The following GPR137C variants were observed in gnomAD, a reference collection of about 807,000 sequenced individuals.
GPR137C encodes integral membrane protein GPR137C.
Under a neutral mutation model 43.4 loss-of-function variants are expected in GPR137C, and 27 were observed. The observed-to-expected ratio is 0.62, with a 90% CI of 0.46 to 0.86. The LOEUF is 0.86. Ranked by LOEUF, GPR137C falls within the 40% of genes least tolerant of loss-of-function variation. The probability of loss-of-function intolerance (pLI) is 0.00; values close to 1 mark genes in which losing one functional copy is unlikely to be tolerated. For missense variants in GPR137C, 522 were observed against 534.6 expected (o/e 0.98, Z 0.23); for synonymous variants, 285 against 226.9 (o/e 1.26, Z -2.30).
intron 6 of GPR137C, 83 bp from the exon 7 acceptor site, chr14:52,634,855 C>A: frequency 8.4e-7 from 1 of 1,186,926 alleles, no homozygotes; most frequent in East Asian, 2.6e-5. Context: ...TTACAAAATT[C>A]ATTGAAAATG....
intron 1 of GPR137C, among the ~76,000 whole-genome samples, chr14:52,588,460 A>T (rs961860127): frequency 6.6e-6 from 1 of 152,214 alleles, no homozygotes; most frequent in Non-Finnish European, 1.5e-5. Flanking sequence ...GATTAAAGTT[A>T]ACATCACAGT....
intron 1 of GPR137C, among the ~76,000 whole-genome samples, chr14:52,579,376 A>G (rs2038611625): frequency 6.6e-6 from 1 of 152,210 alleles, no homozygotes; most frequent in Non-Finnish European, 1.5e-5. Context: ...CTAGGGAAAG[A>G]GAGATTTAAC....
intron 1 of GPR137C, among the ~76,000 whole-genome samples, chr14:52,583,943 T>C (rs1042320359): frequency 6.6e-6 from 1 of 152,230 alleles, no homozygotes; most frequent in Non-Finnish European, 1.5e-5. Context: ...CTATTCTTTC[T>C]GACCAATGTC....
At chr14:52,586,574 C>G (rs2038716475) in intron 1 of GPR137C, among the ~76,000 whole-genome samples, 1 of 152,144 alleles carries the variant, frequency 6.6e-6, no homozygotes, top group Non-Finnish European at 1.5e-5. Context: ...ATGTTTCTCT[C>G]CTCTGCCCAT....
At chr14:52,575,946 A>C (rs978167339) in intron 1 of GPR137C, among the ~76,000 whole-genome samples, 1 of 152,196 alleles carries the variant, frequency 6.6e-6, no homozygotes, top group Non-Finnish European at 1.5e-5. Context: ...TTAGTCTCTC[A>C]CTAAGAAGTT....
In GPR137C at chr14:52,553,246, C is replaced by T; in HGVS notation, c.99C>T (p.Val33=). 7.6e-7 allele frequency: 1 copy of T among 1,317,962 alleles called. No homozygotes were observed. Among genetic ancestry groups the T allele is most frequent in the Non-Finnish European group, 9.7e-7 (1 of 1,033,280 alleles). The allele number at this position is 1,317,962 out of a possible 1,614,324, so 81.6% of individuals were successfully genotyped here. Residue 33 remains valine, a synonymous_variant, in exon 1 of 7, where the codon GTC becomes GTT. Coordinates refer to ENST00000321662, the MANE Select transcript of GPR137C (RefSeq NM_001099652.2). ...PGGGSGGGGA[V]AAASGAAVPG... ...GGGGCAGCGGAGGCGGAGGCGCCGT[C>T]GCTGCAGCCTCAGGCGCCGCGGTGC...
intron 3 of GPR137C, among the ~76,000 whole-genome samples, chr14:52,610,917 T>A (rs1459727535): frequency 6.6e-6 from 1 of 152,236 alleles, no homozygotes; most frequent in Admixed American, 6.5e-5. Context: ...TACATCACCC[T>A]GTGTTTACTT....
At chr14:52,571,731 GACA>G (rs558609032) in intron 1 of GPR137C, among the ~76,000 whole-genome samples, 125 of 152,108 alleles carry the variant, frequency 8.2e-4, no homozygotes, top group Middle Eastern at 6.8e-3. Flanking sequence ...GCTAGCAGAA[GACA>G]AGAAATAACT....
At chr14:52,622,120 T>C (rs1010122596) in intron 3 of GPR137C, among the ~76,000 whole-genome samples, 1 of 151,944 alleles carries the variant, frequency 6.6e-6, no homozygotes, top group African/African-American at 2.4e-5. Context: ...ATGAAGAAAA[T>C]CCATCCTCAC....
chr14:52,560,088 T>G (rs1446093879), intron 1 of GPR137C, among the ~76,000 whole-genome samples: 1 of 152,076 alleles, frequency 6.6e-6, no homozygotes, highest in African/African-American at 2.4e-5. Context: ...GTCCAGGAGA[T>G]AGAGGCTGCA....
chr14:52,553,495 C>G lies in GPR137C; in HGVS notation c.348C>G (p.Pro116=), dbSNP rs1311667123. The G allele has an allele frequency of 6.2e-7, 1 of 1,609,064 alleles. No homozygotes were observed. Among genetic ancestry groups the G allele is most frequent in the Non-Finnish European group, 8.5e-7 (1 of 1,179,788 alleles). The part of the protein sequence containing the change: ...LSGSLPLLRP[P]AHLHFFPHWL... ...GCTCCCTGCCCTTGCTCCGGCCGCC[C>G]GCTCACCTGCACTTCTTCCCCCACT... The change falls in exon 1 of 7, where the codon CCC becomes CCG. Residue 116 remains proline (P), a synonymous_variant. Transcript: ENST00000321662.
chr14:52,617,263 T>C (rs1355235938), intron 3 of GPR137C, among the ~76,000 whole-genome samples: 2 of 152,240 alleles, frequency 1.3e-5, no homozygotes, highest in South Asian at 4.1e-4. Flanking sequence ...TCAAATTCTC[T>C]TGTGCAGTGA....
Position 52,553,202 on chromosome 14 carries a change from G to T in GPR137C, c.55G>T (p.Glu19Ter). 1 of 1,219,626 alleles carries T rather than the reference G, an allele frequency of 8.2e-7. No homozygotes were observed. Among genetic ancestry groups the T allele is most frequent in the South Asian group, 4.1e-5 (1 of 24,286 alleles). 75.6% of individuals were successfully genotyped at this position (1,219,626 alleles called of 1,614,324 possible). A position where few individuals can be genotyped will look rare whatever the true frequency, so the allele number is the denominator to read the frequency against. ...AAAAAPAAGR[E>*]PSTPGGGSGG... ...CGCTGCCGCCCCCGCAGCCGGCCGC[G>T]AGCCCTCCACGCCCGGCGGGGGCAG... Residue 19 changes from glutamate to a stop codon, truncating the protein, a stop_gained, in exon 1 of 7, where the codon GAG (glutamate) becomes TAG (stop). Transcript: ENST00000321662. LOFTEE classifies it high-confidence loss of function.
At chr14:52,584,752 AG>A (rs2038691171) in intron 1 of GPR137C, among the ~76,000 whole-genome samples, 1 of 152,118 alleles carries the variant, frequency 6.6e-6, no homozygotes, top group Non-Finnish European at 1.5e-5. Context: ...CTAGGACGAT[AG>A]GTGTGGTTAT....
At chr14:52,565,054 C>T (rs185344377) in intron 1 of GPR137C, among the ~76,000 whole-genome samples, 3 of 152,184 alleles carry the variant, frequency 2.0e-5, no homozygotes, top group Admixed American at 2.0e-4. Context: ...TCGGAAAGCA[C>T]GTGTTTAAAG....
intron 3 of GPR137C, 137 bp from the exon 4 acceptor site, chr14:52,632,023 A>G: frequency 1.8e-6 from 1 of 571,264 alleles, no homozygotes. Context: ...AAAGCAAGAT[A>G]ATCAAGAGTT....
At chr14:52,628,926 T>C (rs1469948135) in intron 3 of GPR137C, among the ~76,000 whole-genome samples, 1 of 152,206 alleles carries the variant, frequency 6.6e-6, no homozygotes, top group African/African-American at 2.4e-5. Context: ...TATAAAGATC[T>C]CCTACAACTC....
chr14:52,618,971 G>A (rs1441345979), intron 3 of GPR137C, among the ~76,000 whole-genome samples: 1 of 152,102 alleles, frequency 6.6e-6, no homozygotes, highest in African/African-American at 2.4e-5. Flanking sequence ...GGAATCATTG[G>A]TACTCAAGAT....
intron 1 of GPR137C, among the ~76,000 whole-genome samples, chr14:52,596,758 T>A (rs960182281): frequency 5.7e-4 from 86 of 152,040 alleles, no homozygotes; most frequent in African/African-American, 1.9e-3. Flanking sequence ...AAAGGGAAAT[T>A]CCCCAACCCC....
Sources: gnomAD v4.1 joint callset for allele counts (sites outside exome capture counted in the v4.1 genomes callset) on GRCh38, gnomAD v4.1.1 for gene constraint, MANE v1.5 for transcripts, NCBI Gene and HGNC (gene_info 2026-07-23, HGNC 2026-07-21) for gene names.